The following FOXL2NB variants were observed in gnomAD, a reference collection of about 807,000 sequenced individuals.
FOXL2NB encodes FOXL2 neighbor protein.
In FOXL2NB, 10 loss-of-function variants were observed where a neutral mutation model predicts 7.4. The ratio of observed to expected loss-of-function variants is 1.34; its 90% CI spans 0.83 to 2.28. The LOEUF (loss-of-function observed/expected upper bound fraction) is 2.28, where lower values mean the gene tolerates loss of function less well. Ranked by LOEUF, FOXL2NB falls within the 30% of genes most tolerant of loss-of-function variation. The pLI, the probability that FOXL2NB is intolerant of heterozygous loss-of-function variation, is 0.00. For synonymous variants in FOXL2NB, 104 were observed against 105.3 expected (o/e 0.99, Z 0.08); for missense variants, 228 against 233.9 (o/e 0.97, Z 0.17).
rs963259595 is a variant in FOXL2NB, at chr3:138,947,455, C to A, written c.91C>A (p.Arg31=). The change falls in exon 1 of 3, where the codon CGG becomes AGG. Residue 31 remains arginine (R), a synonymous_variant. Transcript: ENST00000383165. The surrounding 1 kb of genome is among the most constrained non-coding windows in gnomAD (Gnocchi z 5.2). ...QRGKALQASS[R]LSESPALVKK... Reference sequence around the variant, plus strand: ...AGGAAAGGCGCTCCAAGCCTCCTCGCGGCTTTCAGGTGAAAGAAAACGACT... The same window carrying A: ...AGGAAAGGCGCTCCAAGCCTCCTCGAGGCTTTCAGGTGAAAGAAAACGACT... 3 of 1,500,714 alleles carry A rather than the reference C, an allele frequency of 2.0e-6. No individual in the cohort carries two copies. Among genetic ancestry groups the A allele is most frequent in the Non-Finnish European group, 2.7e-6 (3 of 1,116,430 alleles). The allele number at this position is 1,500,714 out of a possible 1,614,324, so 93.0% of individuals were successfully genotyped here. A position where few individuals can be genotyped will look rare whatever the true frequency, so the allele number is the denominator to read the frequency against.
intron 1 of FOXL2NB, among the ~76,000 whole-genome samples, chr3:138,948,263 T>G (rs574451115): frequency 6.6e-6 from 1 of 152,166 alleles, no homozygotes; most frequent in Non-Finnish European, 1.5e-5. Context: ...GGGAGGGACT[T>G]GTTCAAATCT....
chr3:138,947,584 T>A lies in FOXL2NB; in HGVS notation c.100+120T>A, dbSNP rs1936015986. The A allele has an allele frequency of 7.0e-7, 1 of 1,431,696 alleles. No individual in the cohort carries two copies. The highest frequency in any genetic ancestry group is 1.5e-5 in the African/African-American group (1 of 68,390). The allele number at this position is 1,431,696 out of a possible 1,614,324, so 88.7% of individuals were successfully genotyped here. A position where few individuals can be genotyped will look rare whatever the true frequency, so the allele number is the denominator to read the frequency against. On this transcript the variant is annotated intron_variant, in intron 1 of 2. Transcript: ENST00000383165. The surrounding 1 kb of genome is among the most constrained non-coding windows in gnomAD (Gnocchi z 5.2). ...CTGGACGGGGTAGGGTGGGGAGAGC[T>A]GCTCTGAGGCTTTGGGAAAGTCAGC...
At chr3:138,948,934 G>T (rs951636498) in intron 1 of FOXL2NB, among the ~76,000 whole-genome samples, 2 of 152,130 alleles carry the variant, frequency 1.3e-5, no homozygotes, top group Non-Finnish European at 2.9e-5. Flanking sequence ...TTTTATGGGC[G>T]GTCTCCCACT....
Position 138,951,128 on chromosome 3 carries a change from C to G in FOXL2NB, c.*556C>G, listed in dbSNP as rs1422937909. On this transcript the variant is annotated 3_prime_UTR_variant, in exon 3 of 3. Transcript: ENST00000383165. ...AACTCTGCTGAGTTTGCTGCTCAGA[C>G]CAACAAGGTGCAGCAGCAGACACCC... 1 of 155,296 alleles carries G rather than the reference C, an allele frequency of 6.4e-6. No homozygotes were observed. The highest frequency in any genetic ancestry group is 1.4e-5 in the Non-Finnish European group (1 of 70,522). The allele number at this position is 155,296 out of a possible 1,614,324, so 9.6% of individuals were successfully genotyped here. A position where few individuals can be genotyped will look rare whatever the true frequency, so the allele number is the denominator to read the frequency against.
At chr3:138,950,160 G>T (rs1171132913) in intron 2 of FOXL2NB, 105 bp from the exon 3 acceptor site, 1 of 1,246,106 alleles carries the variant, frequency 8.0e-7, no homozygotes, top group Non-Finnish European at 1.2e-6. Flanking sequence ...ATTGAGCGCA[G>T]TCTCAGCTCC....
Position 138,953,677 on chromosome 3 carries a change from G to T in FOXL2NB, c.*3105G>T, listed in dbSNP as rs59081321. 0.15 allele frequency among the ~76,000 whole-genome samples: 23,316 copies of T among 152,160 alleles called. 3,759 individuals carry two copies. The highest frequency in any genetic ancestry group is 0.39 in the African/African-American group (16,077 of 41,450). Reference sequence around the variant, plus strand: ...GATATGGAGCATTTCTGGCACTTCAGAAGGTTCCTTCATATCTTTTTCCAA... The same window carrying T: ...GATATGGAGCATTTCTGGCACTTCATAAGGTTCCTTCATATCTTTTTCCAA... On this transcript the variant is annotated 3_prime_UTR_variant, in exon 3 of 3. Transcript: ENST00000383165.
At position 138,947,852 on chromosome 3, in the gene FOXL2NB, C is replaced by G. The variant is rs965688396; in HGVS notation, c.100+388C>G. ...TGCTTTAACAGCACCAAGTAGATGC[C>G]CCTCAGCTATTGCACTAACACAGGC... On this transcript the variant is annotated intron_variant, in intron 1 of 2. Transcript: ENST00000383165. This position sits in a 1 kb window ranked among gnomAD's most constrained non-coding sequence, Gnocchi z 5.2. The G allele has an allele frequency of 9.9e-7, 1 of 1,009,432 alleles. No homozygotes were observed. Among genetic ancestry groups the G allele is most frequent in the Admixed American group, 5.8e-5 (1 of 17,172 alleles). 62.5% of individuals were successfully genotyped at this position (1,009,432 alleles called of 1,614,324 possible). A position where few individuals can be genotyped will look rare whatever the true frequency, so the allele number is the denominator to read the frequency against.
In FOXL2NB at chr3:138,949,870, T is replaced by G. The variant is rs1385134881; in HGVS notation, c.220+231T>G. The G allele has an allele frequency of 5.7e-6, 4 of 706,614 alleles. No individual in the cohort carries two copies. The highest frequency in any genetic ancestry group is 2.5e-6 in the Non-Finnish European group (1 of 392,888). The allele number at this position is 706,614 out of a possible 1,614,324, so 43.8% of individuals were successfully genotyped here. A position where few individuals can be genotyped will look rare whatever the true frequency, so the allele number is the denominator to read the frequency against. On this transcript the variant is annotated intron_variant, in intron 2 of 2. Transcript: ENST00000383165. This position sits in a 1 kb window ranked among gnomAD's most constrained non-coding sequence, Gnocchi z 4.5. The stretch of plus-strand genomic sequence containing the variant: ...GGAGGTAGGCTGGTTGCTGGCGAGG[T>G]CGGGATCCTCTCTGAACAGGGCATA...
intron 1 of FOXL2NB, among the ~76,000 whole-genome samples, chr3:138,948,234 A>C (rs1576471326): frequency 6.6e-6 from 1 of 152,136 alleles, no homozygotes; most frequent in South Asian, 2.1e-4. Flanking sequence ...ACAGACTGGG[A>C]AGACAAACAT....
In FOXL2NB at chr3:138,947,801, C is replaced by T. The variant is rs1009178653; in HGVS notation, c.100+337C>T. On this transcript the variant is annotated intron_variant, in intron 1 of 2. Transcript: ENST00000383165. The surrounding 1 kb of genome is among the most constrained non-coding windows in gnomAD (Gnocchi z 5.2). ...ACCAGGAATCCGTGTACTAATCCTA[C>T]GGGGTTGGAGTGAAGGTTGGATGTG... The T allele has an allele frequency of 1.9e-6, 2 of 1,078,206 alleles. No homozygotes were observed. The highest frequency in any genetic ancestry group is 1.1e-6 in the Non-Finnish European group (1 of 888,832). 66.8% of individuals were successfully genotyped at this position (1,078,206 alleles called of 1,614,324 possible).
Position 138,951,647 on chromosome 3 carries a change from C to G in FOXL2NB, c.*1075C>G, listed in dbSNP as rs1175218274. 1 of 152,378 alleles carries G rather than the reference C, an allele frequency of 6.6e-6. No homozygotes were observed. Among genetic ancestry groups the G allele is most frequent in the Admixed American group, 6.5e-5 (1 of 15,288 alleles). 9.4% of individuals were successfully genotyped at this position (152,378 alleles called of 1,614,324 possible). A position where few individuals can be genotyped will look rare whatever the true frequency, so the allele number is the denominator to read the frequency against. ...GCGGATTCTAGGGTGGTGGGAGCTG[C>G]TGACAAGTTTCCTCTGATATCCCTC... On this transcript the variant is annotated 3_prime_UTR_variant, in exon 3 of 3. Coordinates refer to ENST00000383165, the MANE Select transcript of FOXL2NB (RefSeq NM_001040061.3).
intron 2 of FOXL2NB, 57 bp from the exon 3 acceptor site, chr3:138,950,208 C>T (rs763832185): frequency 6.3e-7 from 1 of 1,578,236 alleles, no homozygotes; most frequent in South Asian, 1.1e-5. Flanking sequence ...CCTCGGAGGT[C>T]CCGACAGCCG....
rs1226897857 is a variant in FOXL2NB, at chr3:138,947,756, C to G, written c.100+292C>G. 3 of 1,141,802 alleles carry G rather than the reference C, an allele frequency of 2.6e-6. No individual in the cohort carries two copies. In the East Asian group the frequency reaches 1.6e-4, roughly 60 times the overall value. 70.7% of individuals were successfully genotyped at this position (1,141,802 alleles called of 1,614,324 possible). A position where few individuals can be genotyped will look rare whatever the true frequency, so the allele number is the denominator to read the frequency against. On this transcript the variant is annotated intron_variant, in intron 1 of 2. Transcript: ENST00000383165. The surrounding 1 kb of genome is among the most constrained non-coding windows in gnomAD (Gnocchi z 5.2). ...CCTGAATCACCTCTGCCTCTCCCTG[C>G]GTTACCAGTGGATCTAGGAACCAGG...
rs1303739177 is a variant in FOXL2NB, at chr3:138,953,742, A to G, written c.*3170A>G. On this transcript the variant is annotated 3_prime_UTR_variant, in exon 3 of 3. Coordinates refer to ENST00000383165, the MANE Select transcript of FOXL2NB (RefSeq NM_001040061.3). Reference sequence around the variant, plus strand: ...AAAGGGAAACCATATTTGGATTTCTATCACCATAAATAACCTTTGCCTGCC... The same window carrying G: ...AAAGGGAAACCATATTTGGATTTCTGTCACCATAAATAACCTTTGCCTGCC... 1.3e-5 allele frequency among the ~76,000 whole-genome samples: 2 copies of G among 151,900 alleles called. No homozygotes were observed. The highest frequency in any genetic ancestry group is 2.9e-5 in the Non-Finnish European group (2 of 68,032).
chr3:138,950,806 C>A lies in FOXL2NB; in HGVS notation c.*234C>A. 1.8e-6 allele frequency: 1 copy of A among 560,558 alleles called. No homozygotes were observed. The highest frequency in any genetic ancestry group is 3.1e-6 in the Non-Finnish European group (1 of 323,528). The allele number at this position is 560,558 out of a possible 1,614,324, so 34.7% of individuals were successfully genotyped here. ...TACACGTACTAATTCAGATTTTGCACATGTTGGTGGAAAACATGTCAAGCC... is the reference window on the plus strand; with the variant it reads ...TACACGTACTAATTCAGATTTTGCAAATGTTGGTGGAAAACATGTCAAGCC... On this transcript the variant is annotated 3_prime_UTR_variant, in exon 3 of 3. Transcript: ENST00000383165.
At chr3:138,948,874 G>C (rs1559923741) in intron 1 of FOXL2NB, among the ~76,000 whole-genome samples, 1 of 152,212 alleles carries the variant, frequency 6.6e-6, no homozygotes, top group African/African-American at 2.4e-5. Flanking sequence ...GCCCTTGCCT[G>C]GTCACAAGGA....
rs533922801 is a variant in FOXL2NB at position 138,953,000 on chromosome 3, C to T, written c.*2428C>T. 6.7e-6 allele frequency: 1 copy of T among 148,928 alleles called. No homozygotes were observed. Among genetic ancestry groups the T allele is most frequent in the Admixed American group, 6.7e-5 (1 of 14,884 alleles). 9.2% of individuals were successfully genotyped at this position (148,928 alleles called of 1,614,324 possible). A position where few individuals can be genotyped will look rare whatever the true frequency, so the allele number is the denominator to read the frequency against. Reference sequence around the variant, plus strand: ...TCATCCCCCTCCTACGCTTCCCCCCCCGAGTCCCCATTATATAATTCTTTT... The same window carrying T: ...TCATCCCCCTCCTACGCTTCCCCCCTCGAGTCCCCATTATATAATTCTTTT... On this transcript the variant is annotated 3_prime_UTR_variant, in exon 3 of 3. Coordinates refer to ENST00000383165, the MANE Select transcript of FOXL2NB (RefSeq NM_001040061.3).
Position 138,949,533 on chromosome 3 carries a change from G to A in FOXL2NB, c.114G>A (p.Leu38=). Residue 38 remains leucine (L), a synonymous_variant, in exon 2 of 3, where the codon CTG becomes CTA. Transcript: ENST00000383165. The surrounding 1 kb of genome is among the most constrained non-coding windows in gnomAD (Gnocchi z 4.5). ...ASSRLSESPA[L]VKKRMPDACT... is the part of the protein sequence containing the mutation. The stretch of plus-strand genomic sequence containing the variant: ...GTAGAGGAACAGAATCCCCAGCCCT[G>A]GTGAAGAAGAGGATGCCTGATGCGT... The A allele has an allele frequency of 6.2e-7, 1 of 1,614,086 alleles. No homozygotes were observed. Among genetic ancestry groups the A allele is most frequent in the Non-Finnish European group, 8.5e-7 (1 of 1,180,012 alleles).
Position 138,950,218 on chromosome 3 carries a change from G to A in FOXL2NB, c.221-47G>A, listed in dbSNP as rs757238522. ...CCGCGCCTCGGAGGTCCCGACAGCC[G>A]GCGCGAGCAATCTACACGGCTCTGA... On this transcript the variant is annotated intron_variant, in intron 2 of 2. Coordinates refer to ENST00000383165, the MANE Select transcript of FOXL2NB (RefSeq NM_001040061.3). 3 of 1,599,342 alleles carry A rather than the reference G, an allele frequency of 1.9e-6. No homozygotes were observed. In the South Asian group the frequency reaches 3.3e-5, roughly 18 times the overall value.
Sources: gnomAD v4.1 joint callset for allele counts (sites outside exome capture counted in the v4.1 genomes callset) on GRCh38, gnomAD v4.1.1 for gene constraint, Gnocchi (gnomAD v3.1) non-coding constraint, MANE v1.5 for transcripts, NCBI Gene and HGNC (gene_info 2026-07-23, HGNC 2026-07-21) for gene names.